The following MAP4K3 variants were observed in gnomAD, a reference collection of about 807,000 sequenced individuals.
The protein encoded by MAP4K3 is mitogen-activated protein kinase kinase kinase kinase 3.
A neutral mutation model predicts 143.5 loss-of-function variants in MAP4K3; 94 were observed. That is an observed-to-expected ratio of 0.65 (90% CI 0.55 to 0.78). MAP4K3 has a LOEUF of 0.78. Among genes scored for constraint, MAP4K3 ranks in the 30% least tolerant of loss-of-function variants. The probability of loss-of-function intolerance (pLI) is 0.00; values close to 1 mark genes in which losing one functional copy is unlikely to be tolerated. For synonymous variants in MAP4K3, 416 were observed against 347.2 expected (o/e 1.20, Z -2.20); for missense variants, 1,077 against 1,068.1 (o/e 1.01, Z -0.12).
intron 1 of MAP4K3, among the ~76,000 whole-genome samples, chr2:39,408,498 T>C (rs945645228): frequency 3.3e-5 from 5 of 152,176 alleles, no homozygotes; most frequent in Admixed American, 6.5e-5. Flanking sequence ...GATATATTGC[T>C]GTTACAGAAA....
intron 14 of MAP4K3, 131 bp downstream of exon 14, chr2:39,309,330 G>T (rs982789689): frequency 3.2e-6 from 2 of 621,534 alleles, no homozygotes; most frequent in South Asian, 2.2e-5. Context: ...TTACTATGTT[G>T]ACCAGGCTGG....
chr2:39,358,438 C>G (rs1665672848), intron 2 of MAP4K3, among the ~76,000 whole-genome samples: 1 of 152,132 alleles, frequency 6.6e-6, no homozygotes, highest in Non-Finnish European at 1.5e-5. Context: ...TTAATTTCAT[C>G]CAATTGTTAG....
intron 3 of MAP4K3, among the ~76,000 whole-genome samples, chr2:39,348,265 T>C (rs1665352731): frequency 6.6e-6 from 1 of 152,100 alleles, no homozygotes; most frequent in African/African-American, 2.4e-5. Context: ...GAAGTTGGTC[T>C]ATTCTCTTTT....
chr2:39,328,967 T>C (rs1372309067), intron 8 of MAP4K3, among the ~76,000 whole-genome samples: 2 of 152,230 alleles, frequency 1.3e-5, no homozygotes, highest in African/African-American at 4.8e-5. Context: ...ACTGCCGATC[T>C]AATCACTTGG....
At chr2:39,282,727 G>C (rs111866739) in intron 21 of MAP4K3, among the ~76,000 whole-genome samples, 173 bp from the exon 22 acceptor site, 49 of 152,270 alleles carry the variant, frequency 3.2e-4, no homozygotes, top group African/African-American at 1.2e-3. Flanking sequence ...ACTATTTCTA[G>C]TACTTGCCCC....
intron 1 of MAP4K3, among the ~76,000 whole-genome samples, chr2:39,400,952 G>GA (rs1205232314): frequency 2.6e-5 from 4 of 151,940 alleles, no homozygotes; most frequent in Non-Finnish European, 5.9e-5. Context: ...CCCTGTCTCA[G>GA]AAAAAACAAA....
At chr2:39,263,481 G>A (rs950406444) in intron 28 of MAP4K3, among the ~76,000 whole-genome samples, 7 of 146,968 alleles carry the variant, frequency 4.8e-5, no homozygotes, top group African/African-American at 7.5e-5. Flanking sequence ...GGGTTTCACC[G>A]TGTTAGCCAG....
chr2:39,356,209 A>G, intron 3 of MAP4K3, 40 bp downstream of exon 3: 1 of 1,220,930 alleles, frequency 8.2e-7, no homozygotes, highest in African/African-American at 1.5e-5. Context: ...TTAGGTGATG[A>G]AATCATTATT....
intron 8 of MAP4K3, among the ~76,000 whole-genome samples, chr2:39,329,642 GC>G (rs1683618267): frequency 6.6e-6 from 1 of 152,114 alleles, no homozygotes; most frequent in Non-Finnish European, 1.5e-5. Context: ...AGCAACTATT[GC>G]CCCCCAATTC....
intron 27 of MAP4K3, among the ~76,000 whole-genome samples, chr2:39,266,111 A>G (rs1171201061): frequency 6.6e-6 from 1 of 152,164 alleles, no homozygotes; most frequent in Non-Finnish European, 1.5e-5. Context: ...TTTTCCTAAA[A>G]ACCTGCCCCT....
intron 12 of MAP4K3, among the ~76,000 whole-genome samples, chr2:39,322,374 A>G (rs1683336671): frequency 6.6e-6 from 1 of 152,216 alleles, no homozygotes; most frequent in African/African-American, 2.4e-5. Flanking sequence ...ATTTATTAGC[A>G]TAACAGATTA....
chr2:39,354,630 C>A (rs1051430481), intron 3 of MAP4K3, among the ~76,000 whole-genome samples: 1 of 151,904 alleles, frequency 6.6e-6, no homozygotes, highest in African/African-American at 2.4e-5. Flanking sequence ...CCACTGCACT[C>A]CAGCCTGGGC....
chr2:39,335,448 A>C (rs954828519), intron 6 of MAP4K3, among the ~76,000 whole-genome samples: 51 of 152,236 alleles, frequency 3.4e-4, no homozygotes, highest in African/African-American at 1.2e-3. Context: ...AGTCTAGCAC[A>C]CAAGTCCTTG....
intron 16 of MAP4K3, among the ~76,000 whole-genome samples, chr2:39,297,502 G>A (rs949756845): frequency 2.0e-5 from 3 of 152,030 alleles, no homozygotes; most frequent in African/African-American, 7.2e-5. Flanking sequence ...GAATTCCAAA[G>A]AAAAGGAGAC....
In MAP4K3 at chr2:39,279,846, G is replaced by C. The variant is rs545136019; in HGVS notation, c.1714+426C>G. 6.6e-5 allele frequency among the ~76,000 whole-genome samples: 10 copies of C among 152,210 alleles called. No individual in the cohort carries two copies. In the South Asian group the frequency reaches 2.1e-3, roughly 32 times the overall value. On this transcript the variant is annotated intron_variant, in intron 23 of 33. Coordinates refer to ENST00000263881, the MANE Select transcript of MAP4K3 (RefSeq NM_003618.4). ...CATGTGCCTCCAGTCCTAGCTACTCGGGTGGCTGAGGCAGGGGGATTGCAT... is the reference window on the plus strand; with the variant it reads ...CATGTGCCTCCAGTCCTAGCTACTCCGGTGGCTGAGGCAGGGGGATTGCAT...
chr2:39,276,479 A>AAGT (rs1681258613), intron 24 of MAP4K3, among the ~76,000 whole-genome samples: 1 of 152,184 alleles, frequency 6.6e-6, no homozygotes, highest in East Asian at 1.9e-4. Flanking sequence ...GAATATGGTG[A>AAGT]AGTAGTTAAG....
At chr2:39,398,713 A>AAATAATAATAATAATAAT (rs60507971) in intron 1 of MAP4K3, among the ~76,000 whole-genome samples, 18 of 140,424 alleles carry the variant, frequency 1.3e-4, no homozygotes, top group South Asian at 4.6e-4. Context: ...GGAATAATTA[A>AAATAATAATAATAATAAT]AATAATAATA....
intron 4 of MAP4K3, among the ~76,000 whole-genome samples, chr2:39,340,973 T>A (rs1225979037): frequency 6.6e-6 from 1 of 152,108 alleles, no homozygotes; most frequent in Non-Finnish European, 1.5e-5. Context: ...ACTAAGATTC[T>A]AAAGGAGAGA....
intron 12 of MAP4K3, among the ~76,000 whole-genome samples, chr2:39,320,146 A>G (rs1381065693): frequency 6.6e-6 from 1 of 152,194 alleles, no homozygotes; most frequent in Non-Finnish European, 1.5e-5. Flanking sequence ...TAGCTACAGC[A>G]GGTCCCCAGT....
Sources: gnomAD v4.1 joint callset for allele counts (sites outside exome capture counted in the v4.1 genomes callset) on GRCh38, gnomAD v4.1.1 for gene constraint, MANE v1.5 for transcripts, NCBI Gene and HGNC (gene_info 2026-07-23, HGNC 2026-07-21) for gene names.